Variants in PAK6 observed in about 807,000 individuals in gnomAD.
PAK6 encodes serine/threonine-protein kinase PAK 6.
Under a neutral mutation model 60.8 loss-of-function variants are expected in PAK6, and 33 were observed. That is an observed-to-expected ratio of 0.54 (90% CI 0.41 to 0.73). The LOEUF (loss-of-function observed/expected upper bound fraction) is 0.73, where lower values mean the gene tolerates loss of function less well. PAK6 is among the 30% of genes least tolerant of loss of function. PAK6 has a pLI of 0.00. For synonymous variants in PAK6, 404 were observed against 378.5 expected, an observed-to-expected ratio of 1.07 and a Z score of -0.78; for missense variants, 845 against 904.1, an observed-to-expected ratio of 0.93 and a Z score of 0.84.
At chr15:40,264,548 C>G in intron 3 of PAK6, 1 of 626,194 alleles carries the variant, frequency 1.6e-6, no homozygotes, top group South Asian at 1.6e-5. Flanking sequence ...CACCTCTTTT[C>G]CTTGTTTATA....
At chr15:40,262,880 C>T (rs1026663696) in intron 3 of PAK6, among the ~76,000 whole-genome samples, 2 of 125,206 alleles carry the variant, frequency 1.6e-5, no homozygotes, top group Non-Finnish European at 3.3e-5. Flanking sequence ...CAAAATCTCT[C>T]CAAATTATTA....
intron 3 of PAK6, among the ~76,000 whole-genome samples, chr15:40,254,359 T>C (rs777332390): frequency 7.9e-5 from 12 of 152,078 alleles, no homozygotes; most frequent in Non-Finnish European, 1.5e-4. Context: ...TGTCAGAGGG[T>C]ATTAGAGCAA....
chr15:40,259,160 CAGATGG>C (rs2038916671), intron 3 of PAK6: 1 of 152,252 alleles, frequency 6.6e-6, no homozygotes, highest in Non-Finnish European at 1.5e-5. Context: ...GAATTGCGTG[CAGATGG>C]AGATGCTAGA....
intron 5 of PAK6, 98 bp from the exon 6 acceptor site, chr15:40,272,126 C>A (rs995851558): frequency 2.2e-6 from 3 of 1,357,428 alleles, no homozygotes; most frequent in Admixed American, 2.1e-5. Flanking sequence ...CCTGACCCTG[C>A]CAGAGTCCAG....
exon 5 of PAK6, chr15:40,266,047 G>T (rs751329273): frequency 8.1e-6 from 13 of 1,608,062 alleles, no homozygotes; most frequent in Non-Finnish European, 1.1e-5. Flanking sequence ...CAGTCTGAGC[G>T]CACTGACCCC....
At chr15:40,239,082 C>T (rs537253543), upstream of PAK6, 5 of 152,380 alleles carry the variant, frequency 3.3e-5, no homozygotes, top group South Asian at 2.1e-4. Flanking sequence ...TGGAGCAGCT[C>T]GGCGCCCCAA....
At chr15:40,248,220 C>G (rs1448965334) in intron 2 of PAK6, among the ~76,000 whole-genome samples, 1 of 152,198 alleles carries the variant, frequency 6.6e-6, no homozygotes, top group Non-Finnish European at 1.5e-5. Context: ...GCTCCCTCGG[C>G]TCACACTTCC....
chr15:40,272,875 A>T (rs1290798417), exon 7 of PAK6: 1 of 1,613,884 alleles, frequency 6.2e-7, no homozygotes, highest in Non-Finnish European at 8.5e-7. Flanking sequence ...GGTGGTGATC[A>T]TGCGGGACTA....
rs780930031 is a variant in PAK6 at position 40,273,581 on chromosome 15, CAG to C, written c.1650_1651del (p.Gln550HisfsTer7). On this transcript the variant is annotated frameshift_variant, in exon 9 of 11. Coordinates refer to ENST00000560346, the Ensembl canonical transcript of PAK6. LOFTEE classifies it high-confidence loss of function. Reference sequence around the variant, plus strand: ...GCTCTCGGACTTCGGATTCTGTGCTCAGATCAGCAAAGACGTCCCTAAGAGGA... The same window carrying C: ...GCTCTCGGACTTCGGATTCTGTGCTCATCAGCAAAGACGTCCCTAAGAGGA... The C allele has an allele frequency of 6.2e-7, 1 of 1,614,048 alleles. No individual in the cohort carries two copies. The highest frequency in any genetic ancestry group is 1.3e-5 in the African/African-American group (1 of 75,038).
intron 3 of PAK6, among the ~76,000 whole-genome samples, chr15:40,257,359 C>T (rs1015834644): frequency 6.6e-6 from 1 of 152,250 alleles, no homozygotes; most frequent in Non-Finnish European, 1.5e-5. Flanking sequence ...AGCCTCAGCG[C>T]GTTCTTGTGA....
intron 8 of PAK6, 28 bp from the exon 9 acceptor site, chr15:40,273,523 C>T (rs909792181): frequency 6.2e-7 from 1 of 1,613,856 alleles, no homozygotes; most frequent in African/African-American, 1.3e-5. Flanking sequence ...TCCTCCTGAT[C>T]CACCACTCAC....
chr15:40,249,253 A>G (rs8029043), intron 2 of PAK6, among the ~76,000 whole-genome samples: 150,266 of 152,324 alleles, frequency 0.99, 74,142 homozygotes, highest in Middle Eastern at 1. Context: ...TAATACCCTC[A>G]TATTAGTGAT....
chr15:40,273,064 TGTG>T (rs1446749415), intron 7 of PAK6, 65 bp downstream of exon 7: 5 of 1,576,760 alleles, frequency 3.2e-6, no homozygotes, highest in Non-Finnish European at 4.3e-6. Context: ...GCCAGGGCAA[TGTG>T]GTCTTCTGCC....
intron 2 of PAK6, chr15:40,246,331 A>G (rs2038493917): frequency 6.6e-6 from 1 of 152,224 alleles, no homozygotes; most frequent in South Asian, 2.1e-4. Flanking sequence ...CCACCATCAG[A>G]GGTCAGTTCC....
intron 2 of PAK6, chr15:40,252,471 G>T: frequency 7.3e-7 from 1 of 1,362,414 alleles, no homozygotes; most frequent in South Asian, 1.1e-5. Flanking sequence ...CCTGGCCAAG[G>T]CCCCAGCGAC....
chr15:40,262,328 A>C (rs2039004947), intron 3 of PAK6, among the ~76,000 whole-genome samples: 1 of 152,168 alleles, frequency 6.6e-6, no homozygotes, highest in Non-Finnish European at 1.5e-5. Flanking sequence ...ACATGGTGAA[A>C]TCCCGTCTCT....
exon 5 of PAK6, chr15:40,265,967 G>T: frequency 1.9e-6 from 3 of 1,604,684 alleles, no homozygotes; most frequent in Non-Finnish European, 2.6e-6. Context: ...GCCGGCGGCG[G>T]GCACAGTCCC....
chr15:40,251,677 TTCC>T (rs1443847289), intron 2 of PAK6: 3 of 152,564 alleles, frequency 2.0e-5, no homozygotes, highest in African/African-American at 7.2e-5. Context: ...AAGCCAGAAC[TTCC>T]TCAGCACTCA....
intron 7 of PAK6, 78 bp downstream of exon 7, chr15:40,273,077 C>T: frequency 6.4e-7 from 1 of 1,553,120 alleles, no homozygotes; most frequent in African/African-American, 1.4e-5. Flanking sequence ...GGTCTTCTGC[C>T]TGTGGCCCAG....
Sources: allele counts gnomAD v4.1 joint callset (sites outside exome capture counted in the v4.1 genomes callset), GRCh38; gene constraint gnomAD v4.1.1; transcripts MANE v1.5; gene names NCBI Gene and HGNC (gene_info 2026-07-23, HGNC 2026-07-21).